The following SLIT3 variants were observed in gnomAD, a reference collection of about 807,000 sequenced individuals.
The protein encoded by SLIT3 is slit homolog 3 protein.
In SLIT3, 68 loss-of-function variants were observed where a neutral mutation model predicts 184.0. The observed-to-expected ratio is 0.37, with a 90% CI of 0.30 to 0.45. The LOEUF is 0.45. Ranked by LOEUF, SLIT3 falls within the 20% of genes least tolerant of loss-of-function variation. The pLI is 1.00. For synonymous variants in SLIT3, 831 were observed against 828.6 expected, an observed-to-expected ratio of 1.00 and a Z score of -0.05; for missense variants, 1,707 against 2,026.0, an observed-to-expected ratio of 0.84 and a Z score of 3.02.
rs13353848 is a variant in SLIT3 at position 168,826,515 on chromosome 5, A to C, written c.558-3184T>G. Among the ~76,000 whole-genome samples the C allele has an allele frequency of 5.5e-3, 837 of 152,290 alleles. 15 individuals carry two copies. The highest frequency in any genetic ancestry group is 0.019 in the African/African-American group (778 of 41,564). On this transcript the variant is annotated intron_variant, in intron 6 of 35. Transcript: ENST00000519560. ...TTGTTACAACCCCAATGCCAAGGAG[A>C]GGTGGTGAGCATGGACCTCGAAGGC... is the stretch of plus-strand genomic sequence containing the variant.
chr5:169,273,802 T>G (rs962601024), intron 1 of SLIT3, among the ~76,000 whole-genome samples: 1 of 152,162 alleles, frequency 6.6e-6, no homozygotes, highest in Non-Finnish European at 1.5e-5. Flanking sequence ...GTGTGCAATG[T>G]TCTGCAGAAG....
At chr5:169,080,377 A>G (rs1447031681) in intron 4 of SLIT3, among the ~76,000 whole-genome samples, 1 of 152,216 alleles carries the variant, frequency 6.6e-6, no homozygotes, top group Non-Finnish European at 1.5e-5. Context: ...ACTTTTGCAT[A>G]GATCTCATTT....
intron 1 of SLIT3, among the ~76,000 whole-genome samples, chr5:169,257,489 G>A (rs1032256194): frequency 8.3e-5 from 12 of 144,662 alleles, no homozygotes; most frequent in Admixed American, 1.4e-4. Context: ...GGCAGTCTAC[G>A]CTGACAAATA....
Position 168,725,506 on chromosome 5 carries a change from C to A in SLIT3, c.2271-1022G>T, listed in dbSNP as rs77556499. Among the ~76,000 whole-genome samples the A allele has an allele frequency of 5.1e-3, 770 of 152,318 alleles. 2 individuals are homozygous for A. The highest frequency in any genetic ancestry group is 0.018 in the African/African-American group (737 of 41,556). On this transcript the variant is annotated intron_variant, in intron 20 of 35. Transcript: ENST00000519560. ...GATCTCCTTGGTGATCTAAAGCTCC[C>A]ATAGCATCCTCTCCTATAAGAGTCA...
intron 9 of SLIT3, among the ~76,000 whole-genome samples, chr5:168,804,911 C>A (rs1756905245): frequency 1.3e-5 from 2 of 152,192 alleles, no homozygotes; most frequent in African/African-American, 4.8e-5. Context: ...TCTACTCCAG[C>A]CACACTGGCC....
intron 1 of SLIT3, among the ~76,000 whole-genome samples, chr5:169,264,581 C>A (rs79966586): frequency 6.6e-6 from 1 of 152,080 alleles, no homozygotes; most frequent in Non-Finnish European, 1.5e-5. Context: ...GTCCAAAGGA[C>A]CTAATGCCAC....
chr5:168,667,811 T>A (rs1761104320), intron 35 of SLIT3: 1 of 152,186 alleles, frequency 6.6e-6, no homozygotes, highest in Non-Finnish European at 1.5e-5. Flanking sequence ...TTTAAAATTA[T>A]GAGATTGTTA....
chr5:168,697,953 G>C (rs560733780), intron 27 of SLIT3, among the ~76,000 whole-genome samples: 17 of 152,320 alleles, frequency 1.1e-4, no homozygotes, highest in Middle Eastern at 3.4e-3. Flanking sequence ...AGGAAAGAGA[G>C]GTTGCTAAAG....
At chr5:169,285,819 C>A (rs1581139408) in intron 1 of SLIT3, among the ~76,000 whole-genome samples, 1 of 152,194 alleles carries the variant, frequency 6.6e-6, no homozygotes, top group African/African-American at 2.4e-5. Flanking sequence ...AGTGAACAGC[C>A]TGCTGGGGAT....
intron 35 of SLIT3, among the ~76,000 whole-genome samples, chr5:168,668,913 C>T (rs771681173): frequency 4.4e-4 from 67 of 152,356 alleles, no homozygotes; most frequent in East Asian, 1.9e-4. Flanking sequence ...GGATTACAGG[C>T]GACCGCCATG....
chr5:168,786,043 A>G, intron 11 of SLIT3, 65 bp from the exon 12 acceptor site: 4 of 1,152,158 alleles, frequency 3.5e-6, no homozygotes, highest in Non-Finnish European at 5.2e-6. Flanking sequence ...CCAGTCCTGC[A>G]GGAAGCCATC....
At position 168,748,404 on chromosome 5, in the gene SLIT3, G is replaced by C; in HGVS notation, c.2168C>G (p.Pro723Arg). ...ACAGGTGCACTGCTCCGGGCAGCGC[G>C]GGCTCAGCTGGCAGCTACTCTCCTC... is the stretch of plus-strand genomic sequence containing the variant. Reference protein sequence around the residue: ...GNEESSCQLSPRCPEQCTCME... With the variant: ...GNEESSCQLSRRCPEQCTCME... The change falls in exon 20 of 36, where the codon CCG (proline) becomes CGG (arginine). Residue 723 changes from proline to arginine, a missense_variant. Physicochemically the swap from Pro to Arg is moderately radical, Grantham distance 103. Transcript: ENST00000519560. The C allele has an allele frequency of 6.6e-7, 1 of 1,522,180 alleles. No homozygotes were observed. Among genetic ancestry groups the C allele is most frequent in the South Asian group, 1.3e-5 (1 of 76,418 alleles). The allele number at this position is 1,522,180 out of a possible 1,614,324, so 94.3% of individuals were successfully genotyped here.
At chr5:168,943,692 AAC>A (rs757580866) in intron 4 of SLIT3, among the ~76,000 whole-genome samples, 7 of 152,326 alleles carry the variant, frequency 4.6e-5, no homozygotes, top group South Asian at 2.1e-4. Flanking sequence ...TATATGAGTG[AAC>A]ACACACTCTC....
chr5:169,188,696 G>A (rs942562632), intron 4 of SLIT3, among the ~76,000 whole-genome samples: 2 of 152,174 alleles, frequency 1.3e-5, no homozygotes, highest in South Asian at 2.1e-4. Flanking sequence ...GTCAGCCGTG[G>A]CCATCTTCCA....
chr5:168,733,489 G>T (rs187626491), intron 20 of SLIT3, among the ~76,000 whole-genome samples: 5 of 152,260 alleles, frequency 3.3e-5, no homozygotes, highest in African/African-American at 1.2e-4. Context: ...ACCTGCACTT[G>T]TATGTCTATC....
intron 4 of SLIT3, among the ~76,000 whole-genome samples, chr5:169,074,137 C>T (rs1285192953): frequency 4.6e-5 from 7 of 152,100 alleles, no homozygotes. Context: ...TTTTCAGAGC[C>T]CCAGGTGGAT....
At chr5:169,256,458 T>A (rs967699541) in intron 1 of SLIT3, among the ~76,000 whole-genome samples, 3 of 152,226 alleles carry the variant, frequency 2.0e-5, no homozygotes, top group African/African-American at 7.2e-5. Flanking sequence ...GGCTAGACCA[T>A]CTAGGTTTGT....
chr5:169,154,888 T>A (rs941297066), intron 4 of SLIT3, among the ~76,000 whole-genome samples: 6 of 152,236 alleles, frequency 3.9e-5, no homozygotes, highest in Non-Finnish European at 5.9e-5. Flanking sequence ...TATAAGCTCA[T>A]CGAGGCTTTT....
At chr5:169,252,536 C>CA (rs1462721355) in intron 1 of SLIT3, among the ~76,000 whole-genome samples, 1 of 151,842 alleles carries the variant, frequency 6.6e-6, no homozygotes, top group Non-Finnish European at 1.5e-5. Flanking sequence ...GACTGAACGC[C>CA]AAAAAAAGGA....
Sources: gnomAD v4.1 joint callset for allele counts (sites outside exome capture counted in the v4.1 genomes callset) on GRCh38, gnomAD v4.1.1 for gene constraint, MANE v1.5 for transcripts, NCBI Gene and HGNC (gene_info 2026-07-23, HGNC 2026-07-21) for gene names.